Variants in SETBP1 observed in about 807,000 individuals in gnomAD.
The protein encoded by SETBP1 is SET-binding protein.
A neutral mutation model predicts 101.0 loss-of-function variants in SETBP1; 9 were observed. The ratio of observed to expected loss-of-function variants is 0.09; its 90% confidence interval spans 0.05 to 0.16. The LOEUF (loss-of-function observed/expected upper bound fraction) is 0.16. Among genes scored for constraint, SETBP1 ranks in the 10% least tolerant of loss-of-function variants. The pLI is 1.00. For synonymous variants in SETBP1, 818 were observed against 788.5 expected (o/e 1.04, Z -0.63); for missense variants, 1,858 against 2,033.8 (o/e 0.91, Z 1.66).
At chr18:44,835,891 A>C (rs1387326919) in intron 2 of SETBP1, among the ~76,000 whole-genome samples, 1 of 152,248 alleles carries the variant, frequency 6.6e-6, no homozygotes, top group East Asian at 1.9e-4. Flanking sequence ...TAGAGTAAGA[A>C]TGTCTAAGAA....
intron 2 of SETBP1, among the ~76,000 whole-genome samples, chr18:44,791,703 GT>G (rs2071375161): frequency 1.3e-5 from 2 of 152,108 alleles, no homozygotes; most frequent in Middle Eastern, 3.4e-3. Flanking sequence ...CCAAAAGGCT[GT>G]ATTTTCCTGT....
At position 44,806,724 on chromosome 18, in the gene SETBP1, A is replaced by G. The variant is rs538655855; in HGVS notation, c.487-62506A>G. Among the ~76,000 whole-genome samples, 358 of 133,988 alleles carry G rather than the reference A, an allele frequency of 2.7e-3. 3 individuals are homozygous for G. Among genetic ancestry groups the G allele is most frequent in the African/African-American group, 9.5e-3 (339 of 35,548 alleles). 87.9% of individuals were successfully genotyped at this position (133,988 alleles called of 152,430 possible). ...TGTTACATTGCCCAGGCTGGAGTGC[A>G]GTGGCTACTCACAGGTGTGATCATA... On this transcript the variant is annotated intron_variant, in intron 2 of 5. Coordinates refer to ENST00000649279, the MANE Select transcript of SETBP1 (RefSeq NM_015559.3).
At chr18:44,996,320 C>T (rs914334465) in intron 4 of SETBP1, among the ~76,000 whole-genome samples, 1 of 152,188 alleles carries the variant, frequency 6.6e-6, no homozygotes, top group African/African-American at 2.4e-5. Context: ...GCCAGATTGT[C>T]AATACAGCAA....
chr18:44,864,305 A>C (rs928514824), intron 2 of SETBP1, among the ~76,000 whole-genome samples: 1 of 152,100 alleles, frequency 6.6e-6, no homozygotes, highest in African/African-American at 2.4e-5. Context: ...CAGAGAACAG[A>C]GTTTGAAAAA....
intron 3 of SETBP1, among the ~76,000 whole-genome samples, chr18:44,922,009 G>A (rs1309775478): frequency 1.3e-5 from 2 of 152,198 alleles, no homozygotes; most frequent in African/African-American, 4.8e-5. Flanking sequence ...GGCCAAGCTT[G>A]AGGAATTTGA....
chr18:45,002,290 C>A (rs1410919605), intron 4 of SETBP1, among the ~76,000 whole-genome samples: 1 of 144,264 alleles, frequency 6.9e-6, no homozygotes, highest in Non-Finnish European at 1.5e-5. Flanking sequence ...TGAGAAGAAC[C>A]ATTTTTTTTT....
At chr18:44,687,506 C>G (rs1005178917) in intron 1 of SETBP1, among the ~76,000 whole-genome samples, 1 of 152,018 alleles carries the variant, frequency 6.6e-6, no homozygotes, top group Non-Finnish European at 1.5e-5. Flanking sequence ...TGGAGTCAGT[C>G]TTGGAGGACA....
intron 5 of SETBP1, among the ~76,000 whole-genome samples, chr18:45,050,993 T>TA (rs1468777464): frequency 1.3e-5 from 2 of 152,218 alleles, no homozygotes; most frequent in African/African-American, 4.8e-5. Context: ...TTGCCAGAGT[T>TA]AAGTGATTTG....
At chr18:44,936,360 A>G (rs2070957164) in intron 3 of SETBP1, among the ~76,000 whole-genome samples, 1 of 152,222 alleles carries the variant, frequency 6.6e-6, no homozygotes, top group Non-Finnish European at 1.5e-5. Context: ...GTGCCACTGC[A>G]TTCCAATTAG....
At chr18:44,801,612 G>A (rs1421065938) in intron 2 of SETBP1, among the ~76,000 whole-genome samples, 2 of 152,156 alleles carry the variant, frequency 1.3e-5, no homozygotes, top group African/African-American at 2.4e-5. Context: ...GGATTTGTGT[G>A]TGTGTTTCTC....
intron 4 of SETBP1, chr18:44,989,148 C>G (rs943188875): frequency 8.5e-5 from 13 of 152,244 alleles, no homozygotes; most frequent in Admixed American, 6.5e-4. Context: ...CCCACTATAT[C>G]TGGAAAAATA....
chr18:44,818,641 T>C (rs991113047), intron 2 of SETBP1, among the ~76,000 whole-genome samples: 2 of 152,068 alleles, frequency 1.3e-5, no homozygotes, highest in Non-Finnish European at 2.9e-5. Flanking sequence ...AAGTTAAAGG[T>C]CTACAGAGAT....
At chr18:44,833,094 C>G (rs888509328) in intron 2 of SETBP1, among the ~76,000 whole-genome samples, 4 of 152,078 alleles carry the variant, frequency 2.6e-5, no homozygotes, top group Non-Finnish European at 4.4e-5. Context: ...TAAGAGCCCA[C>G]AGGCTGGGCA....
intron 2 of SETBP1, among the ~76,000 whole-genome samples, chr18:44,824,537 G>C (rs2072191143): frequency 6.6e-6 from 1 of 152,086 alleles, no homozygotes; most frequent in Non-Finnish European, 1.5e-5. Context: ...TGCTCCAAAG[G>C]TATTTGCTGA....
At chr18:45,020,509 A>C (rs2073038565) in intron 4 of SETBP1, among the ~76,000 whole-genome samples, 1 of 152,186 alleles carries the variant, frequency 6.6e-6, no homozygotes, top group African/African-American at 2.4e-5. Flanking sequence ...AATGTTTCCC[A>C]CATTTGGCTC....
intron 2 of SETBP1, among the ~76,000 whole-genome samples, chr18:44,803,966 A>AT (rs971223083): frequency 1.3e-5 from 2 of 151,848 alleles, no homozygotes; most frequent in South Asian, 2.1e-4. Flanking sequence ...TATTGGAACT[A>AT]TTTTTTTTCT....
Position 44,950,862 on chromosome 18 carries a change from A to G in SETBP1, c.1522A>G (p.Thr508Ala), listed in dbSNP as rs1568234697. The stretch of plus-strand genomic sequence containing the variant: ...GCCACCCATGGTCATGACACCTCCA[A>G]CGTGCACAGATCACTCTCCATCCAG... ...RKPPMVMTPP[T>A]CTDHSPSRKL... The change falls in exon 4 of 6, where the codon ACG (threonine) becomes GCG (alanine). Residue 508 changes from threonine to alanine, a missense_variant. By Grantham distance (58) the Thr-to-Ala change is moderately conservative. This residue lies in a region of SETBP1 where 581 missense variants were observed against 535.1 expected (regional missense o/e 1.09). Coordinates refer to ENST00000649279, the MANE Select transcript of SETBP1 (RefSeq NM_015559.3). The G allele has an allele frequency of 1.9e-6, 3 of 1,614,162 alleles. No individual in the cohort carries two copies. Among genetic ancestry groups the G allele is most frequent in the South Asian group, 2.2e-5 (2 of 91,078 alleles).
At chr18:44,917,065 A>G (rs2070445742) in intron 3 of SETBP1, among the ~76,000 whole-genome samples, 1 of 152,214 alleles carries the variant, frequency 6.6e-6, no homozygotes, top group Non-Finnish European at 1.5e-5. Context: ...CAGGGAAAGA[A>G]ATTAATAGGT....
intron 4 of SETBP1, among the ~76,000 whole-genome samples, chr18:44,995,529 T>TTTTTTGTG (rs894181469): frequency 7.0e-6 from 1 of 142,876 alleles, no homozygotes; most frequent in African/African-American, 2.6e-5. Flanking sequence ...GTCCAGGCTT[T>TTTTTTGTG]TGTGTGTGTG....
Sources: allele counts gnomAD v4.1 joint callset (sites outside exome capture counted in the v4.1 genomes callset), GRCh38; gene constraint gnomAD v4.1.1; regional missense constraint gnomAD v4.1.1; transcripts MANE v1.5; gene names NCBI Gene and HGNC (gene_info 2026-07-23, HGNC 2026-07-21).